The following IMPG1 variants were observed in gnomAD, a reference collection of about 807,000 sequenced individuals.
The protein encoded by IMPG1 is interphotoreceptor matrix proteoglycan 1.
IMPG1 carries 85 observed loss-of-function variants against 92.0 expected under a neutral mutation model. That is an observed-to-expected ratio of 0.92 (90% confidence interval 0.78 to 1.11). The LOEUF is 1.11. Among genes scored for constraint, IMPG1 ranks in the 50% least tolerant of loss-of-function variants. The pLI is 0.00. For missense variants in IMPG1, 1,022 were observed against 956.0 expected, an observed-to-expected ratio of 1.07 and a Z score of -0.91; for synonymous variants, 367 against 334.1, an observed-to-expected ratio of 1.10 and a Z score of -1.08.
chr6:76,021,551 AC>A (rs1238103711), intron 6 of IMPG1, among the ~76,000 whole-genome samples: 2 of 151,714 alleles, frequency 1.3e-5, no homozygotes, highest in African/African-American at 4.8e-5. Context: ...ACATACCTTC[AC>A]ACTCAGAGTG....
intron 14 of IMPG1, among the ~76,000 whole-genome samples, chr6:75,941,856 A>G (rs992020604): frequency 2.6e-5 from 4 of 152,196 alleles, no homozygotes; most frequent in Admixed American, 6.5e-5. Context: ...GGACTTTGAC[A>G]TGTGCTCAGT....
chr6:76,010,054 A>T (rs1926097), intron 8 of IMPG1, among the ~76,000 whole-genome samples: 28,860 of 152,280 alleles, frequency 0.19, 3,482 homozygotes, highest in Admixed American at 0.29. Context: ...TTTGGTAGAT[A>T]TTAAGGGTTT....
chr6:76,042,248 G>A (rs988170826), intron 1 of IMPG1, 122 bp from the exon 2 acceptor site: 259 of 641,842 alleles, frequency 4.0e-4, no homozygotes, highest in Middle Eastern at 1.7e-3. Flanking sequence ...AATTTCTACC[G>A]TGGTGCAACT....
intron 15 of IMPG1, among the ~76,000 whole-genome samples, chr6:75,930,220 A>T (rs973602774): frequency 6.6e-6 from 1 of 152,222 alleles, no homozygotes; most frequent in Non-Finnish European, 1.5e-5. Context: ...GATTAAACAC[A>T]TCATAACACA....
chr6:75,927,807 C>A (rs1453150913), intron 15 of IMPG1, among the ~76,000 whole-genome samples: 1 of 143,598 alleles, frequency 7.0e-6, no homozygotes, highest in Non-Finnish European at 1.5e-5. Flanking sequence ...ACATGGTGCT[C>A]AAAAATGTTC....
intron 14 of IMPG1, among the ~76,000 whole-genome samples, chr6:75,933,417 A>G (rs1781694154): frequency 1.3e-5 from 2 of 152,226 alleles, no homozygotes; most frequent in Admixed American, 1.3e-4. Flanking sequence ...TAATAAATAC[A>G]TAATATGGTT....
At chr6:76,036,199 G>T (rs1264250799) in intron 2 of IMPG1, among the ~76,000 whole-genome samples, 1 of 152,094 alleles carries the variant, frequency 6.6e-6, no homozygotes, top group Non-Finnish European at 1.5e-5. Flanking sequence ...GGATAAAATT[G>T]ATGTTAAACT....
rs757107031 is a variant in IMPG1, at chr6:75,947,476, AGT to A, written c.1880_1881del (p.Asn627IlefsTer10). 1.9e-6 allele frequency: 3 copies of A among 1,613,730 alleles called. No homozygotes were observed. In the African/African-American group the frequency reaches 4.0e-5, roughly 22 times the overall value. ...LTGFKQLEIL[N>X]FRNGSVIVNS... ...TTCACAATCACACTCCCGTTTCTGA[AGT>A]TAAGTATTTCAAGTTGCTTAAATCC... On this transcript the variant is annotated frameshift_variant, in exon 14 of 17. Coordinates refer to ENST00000369950, the MANE Select transcript of IMPG1 (RefSeq NM_001563.4). LOFTEE classifies it high-confidence loss of function.
intron 12 of IMPG1, among the ~76,000 whole-genome samples, chr6:76,001,253 T>C (rs75791835): frequency 0.012 from 1,790 of 152,350 alleles, 31 homozygotes; most frequent in African/African-American, 0.041. Flanking sequence ...GAAAGTTTTA[T>C]GATAGAATGA....
intron 15 of IMPG1, among the ~76,000 whole-genome samples, chr6:75,926,784 T>A (rs537629963): frequency 6.6e-6 from 1 of 151,678 alleles, no homozygotes; most frequent in Non-Finnish European, 1.5e-5. Flanking sequence ...GTATACAACA[T>A]CTAAACTTGA....
chr6:75,931,121 G>A lies in IMPG1; in HGVS notation c.2075C>T (p.Ala692Val). 3.1e-6 allele frequency: 5 copies of A among 1,613,864 alleles called. No homozygotes were observed. The Middle Eastern group carries it at 6.6e-4, about 213-fold the overall frequency. Residue 692 changes from alanine to valine, a missense_variant, in exon 15 of 17, where the codon GCC becomes GTC. By Grantham distance (64) the Ala-to-Val change is moderately conservative. Transcript: ENST00000369950. ...ADQADPCKFL[A>V]CGEFAQCVKN... is the part of the protein sequence containing the mutation. ...TACACATTGGGCAAATTCGCCGCAG[G>A]CCAGGAACTTGCAGGGATCTGCTTG...
intron 2 of IMPG1, among the ~76,000 whole-genome samples, chr6:76,040,424 C>T (rs1783815521): frequency 6.6e-6 from 1 of 152,170 alleles, no homozygotes; most frequent in Non-Finnish European, 1.5e-5. Context: ...CCTGAGCAAA[C>T]GATATGGAAT....
intron 7 of IMPG1, among the ~76,000 whole-genome samples, chr6:76,016,905 T>A (rs1186834281): frequency 2.0e-5 from 3 of 151,892 alleles, no homozygotes; most frequent in Non-Finnish European, 2.9e-5. Flanking sequence ...GTGGGGTGAA[T>A]GAAGAGGAAG....
At chr6:75,986,859 C>T (rs1782726228) in intron 12 of IMPG1, among the ~76,000 whole-genome samples, 1 of 152,066 alleles carries the variant, frequency 6.6e-6, no homozygotes, top group Admixed American at 6.6e-5. Flanking sequence ...GCAGTCAAAC[C>T]AACAAAATCT....
intron 15 of IMPG1, among the ~76,000 whole-genome samples, chr6:75,930,484 G>A (rs1781644770): frequency 6.6e-6 from 1 of 152,008 alleles, no homozygotes; most frequent in Non-Finnish European, 1.5e-5. Flanking sequence ...TGAATTAACA[G>A]GATTTTTATC....
In IMPG1 at chr6:75,934,843, A is replaced by G. The variant is rs1781717542; in HGVS notation, c.2045-3692T>C. 1.4e-5 allele frequency: 6 copies of G among 414,408 alleles called. No individual in the cohort carries two copies. The Admixed American group carries it at 1.5e-4, about 10-fold the overall frequency. The allele number at this position is 414,408 out of a possible 1,614,324, so 25.7% of individuals were successfully genotyped here. A position where few individuals can be genotyped will look rare whatever the true frequency, so the allele number is the denominator to read the frequency against. The stretch of plus-strand genomic sequence containing the variant: ...TTGTCCTGCTCTTGCCGCATGTCCT[A>G]CTGGCTGTGTGCTGAGTGCCTTATC... On this transcript the variant is annotated intron_variant, in intron 14 of 16. Coordinates refer to ENST00000369950, the MANE Select transcript of IMPG1 (RefSeq NM_001563.4).
intron 1 of IMPG1, among the ~76,000 whole-genome samples, chr6:76,057,643 G>T (rs898623815): frequency 6.6e-6 from 1 of 152,106 alleles, no homozygotes; most frequent in Non-Finnish European, 1.5e-5. Context: ...ATTTGCACAT[G>T]CCTGGGGTTG....
Position 76,015,054 on chromosome 6 carries a change from G to A in IMPG1, c.807+3664C>T, listed in dbSNP as rs1195915140. 2.6e-5 allele frequency among the ~76,000 whole-genome samples: 4 copies of A among 152,118 alleles called. No homozygotes were observed. In the East Asian group the frequency reaches 5.8e-4, roughly 22 times the overall value. ...TTATTAATAATACTAAATGCACAGG[G>A]GCCTCCCTGATTCTGCTGGAATGTA... On this transcript the variant is annotated intron_variant, in intron 7 of 16. Transcript: ENST00000369950.
At chr6:75,941,149 A>G (rs1448940633) in intron 14 of IMPG1, among the ~76,000 whole-genome samples, 1 of 152,138 alleles carries the variant, frequency 6.6e-6, no homozygotes, top group Non-Finnish European at 1.5e-5. Context: ...CCTTGTGGCT[A>G]TCATAGTGTC....
Sources: gnomAD v4.1 joint callset for allele counts (sites outside exome capture counted in the v4.1 genomes callset) on GRCh38, gnomAD v4.1.1 for gene constraint, MANE v1.5 for transcripts, NCBI Gene and HGNC (gene_info 2026-07-23, HGNC 2026-07-21) for gene names.